The following SFXN5 variants were observed in gnomAD, a reference collection of about 807,000 sequenced individuals.
The protein encoded by SFXN5 is sideroflexin-5.
In SFXN5, 43 loss-of-function variants were observed where a neutral mutation model predicts 50.2. That is an observed-to-expected ratio of 0.86 (90% CI 0.67 to 1.11). The LOEUF (loss-of-function observed/expected upper bound fraction) is 1.11. SFXN5 is among the 50% of genes least tolerant of loss of function. The probability of loss-of-function intolerance (pLI) is 0.00; values close to 1 mark genes in which losing one functional copy is unlikely to be tolerated. For missense variants in SFXN5, 463 were observed against 454.1 expected (o/e 1.02, Z -0.18); for synonymous variants, 203 against 185.8 (o/e 1.09, Z -0.75).
At chr2:73,062,615 A>C (rs1682894147) in intron 1 of SFXN5, among the ~76,000 whole-genome samples, 8 of 152,158 alleles carry the variant, frequency 5.3e-5, no homozygotes, top group Admixed American at 5.2e-4. Flanking sequence ...CTCCACAGAC[A>C]CCTACAAACT....
intron 13 of SFXN5, among the ~76,000 whole-genome samples, chr2:72,947,128 G>C (rs1053071293): frequency 6.6e-6 from 1 of 152,152 alleles, no homozygotes; most frequent in Non-Finnish European, 1.5e-5. Context: ...ATAGCTCCCT[G>C]AACTTCTCAT....
intron 3 of SFXN5, among the ~76,000 whole-genome samples, chr2:73,038,316 A>C (rs1431251709): frequency 6.6e-6 from 1 of 152,224 alleles, no homozygotes; most frequent in Non-Finnish European, 1.5e-5. Context: ...ATAAAAGATA[A>C]ACAATGGTCA....
At chr2:73,057,297 C>G (rs1682272982) in intron 2 of SFXN5, among the ~76,000 whole-genome samples, 1 of 152,116 alleles carries the variant, frequency 6.6e-6, no homozygotes, top group Non-Finnish European at 1.5e-5. Context: ...CACCACCACA[C>G]TCGGATAATT....
intron 3 of SFXN5, among the ~76,000 whole-genome samples, chr2:73,027,749 T>G (rs1043277412): frequency 6.6e-6 from 1 of 152,048 alleles, no homozygotes; most frequent in Non-Finnish European, 1.5e-5. Context: ...AGCCTCCACC[T>G]CTCCGGCTCA....
At chr2:72,958,724 C>T (rs1378949758) in intron 13 of SFXN5, among the ~76,000 whole-genome samples, 1 of 151,862 alleles carries the variant, frequency 6.6e-6, no homozygotes, top group Non-Finnish European at 1.5e-5. Context: ...TTCAGGGCTA[C>T]TAGGCAACCC....
intron 10 of SFXN5, among the ~76,000 whole-genome samples, chr2:72,986,023 G>C (rs533416981): frequency 6.6e-6 from 1 of 152,358 alleles, no homozygotes; most frequent in South Asian, 2.1e-4. Context: ...GCCCAGTGCA[G>C]CAGAGCGCTG....
At chr2:73,013,444 T>TGTGTG (rs1553518120) in intron 6 of SFXN5, among the ~76,000 whole-genome samples, 1 of 148,468 alleles carries the variant, frequency 6.7e-6, no homozygotes, top group Non-Finnish European at 1.5e-5. Context: ...TGTGTGTGTG[T>TGTGTG]TTGAGAGATA....
At position 73,056,680 on chromosome 2, in the gene SFXN5, C is replaced by T. The variant is rs190920009; in HGVS notation, c.171+1848G>A. Reference sequence around the variant, plus strand: ...TATCTGGGCAACAAGAGCAAAACTCCGTCTCAAAAAAAAAAAAAAACACAA... The same window carrying T: ...TATCTGGGCAACAAGAGCAAAACTCTGTCTCAAAAAAAAAAAAAAACACAA... On this transcript the variant is annotated intron_variant, in intron 2 of 13. Coordinates refer to ENST00000272433, the MANE Select transcript of SFXN5 (RefSeq NM_144579.3). 4.8e-3 allele frequency among the ~76,000 whole-genome samples: 713 copies of T among 147,478 alleles called. 2 individuals are homozygous for T. Among genetic ancestry groups the T allele is most frequent in the Non-Finnish European group, 6.9e-3 (461 of 67,116 alleles).
At chr2:72,998,709 G>C (rs564503413) in intron 9 of SFXN5, 3 of 543,342 alleles carry the variant, frequency 5.5e-6, no homozygotes, top group Non-Finnish European at 9.9e-6. Flanking sequence ...TCCTGCCTCA[G>C]TGCCCCCAGG....
At chr2:72,967,081 C>G (rs980865123) in intron 12 of SFXN5, among the ~76,000 whole-genome samples, 1 of 152,216 alleles carries the variant, frequency 6.6e-6, no homozygotes, top group Non-Finnish European at 1.5e-5. Context: ...TCTGCTATTT[C>G]CTAGTACATG....
intron 9 of SFXN5, among the ~76,000 whole-genome samples, chr2:72,994,522 GGGGACAGCTAA>G (rs1307524513): frequency 6.6e-6 from 1 of 152,132 alleles, no homozygotes; most frequent in Non-Finnish European, 1.5e-5. Flanking sequence ...TAAGAGGTCT[GGGGACAGCTAA>G]GGGTGTGAGG....
rs752467473 is a variant in SFXN5, at chr2:72,945,038, T to C, written c.1007A>G (p.Tyr336Cys). Residue 336 changes from tyrosine to cysteine, a missense_variant, in exon 14 of 14, where the codon TAC becomes TGC. Transcript: ENST00000272433. The surrounding 1 kb of genome is among the most constrained non-coding windows in gnomAD (Gnocchi z 5.8). Reference sequence around the variant, plus strand: ...TGACCACACTCACAACCCCTTGTTGTACACCACTGTCCGGCTGCTCGTGGC... The same window carrying C: ...TGACCACACTCACAACCCCTTGTTGCACACCACTGTCCGGCTGCTCGTGGC... ...AQATSSRTVVYNKGL is the reference protein window; with the variant it reads ...AQATSSRTVVCNKGL 2 of 1,613,936 alleles carry C rather than the reference T, an allele frequency of 1.2e-6. No homozygotes were observed. Among genetic ancestry groups the C allele is most frequent in the East Asian group, 2.2e-5 (1 of 44,872 alleles).
chr2:73,002,324 C>A (rs1674015821), intron 6 of SFXN5, among the ~76,000 whole-genome samples: 1 of 152,152 alleles, frequency 6.6e-6, no homozygotes, highest in African/African-American at 2.4e-5. Context: ...CCAAATATCA[C>A]CTAAGACCTA....
chr2:73,026,124 TGC>T (rs1400873810), intron 3 of SFXN5, among the ~76,000 whole-genome samples: 12 of 138,452 alleles, frequency 8.7e-5, no homozygotes, highest in African/African-American at 3.7e-4. Flanking sequence ...GCTGTGTGGC[TGC>T]TTTTTTTTTT....
chr2:72,963,529 CA>C (rs1241439425), intron 12 of SFXN5, among the ~76,000 whole-genome samples: 3 of 144,674 alleles, frequency 2.1e-5, no homozygotes, highest in Non-Finnish European at 4.5e-5. Flanking sequence ...CACAGTAGGA[CA>C]GGGGGAAGGG....
chr2:73,050,388 G>GCGCGCGCACACACACACACACACACACA, intron 2 of SFXN5, among the ~76,000 whole-genome samples: 186 of 143,902 alleles, frequency 1.3e-3, no homozygotes, highest in East Asian at 6.1e-3. Flanking sequence ...CAGCCACAGC[G>GCGCGCGCACACACACACACACACACACA]CACGCACACA....
At chr2:73,039,273 T>C (rs1374120449) in intron 3 of SFXN5, among the ~76,000 whole-genome samples, 2 of 152,210 alleles carry the variant, frequency 1.3e-5, no homozygotes, top group Non-Finnish European at 2.9e-5. Flanking sequence ...TGATCCCTTA[T>C]TGACCAAAAT....
rs540800782 is a variant in SFXN5, at chr2:72,947,822, C to T, written c.946-2723G>A. 8.8e-4 allele frequency among the ~76,000 whole-genome samples: 132 copies of T among 150,580 alleles called. 1 individual carries two copies. Among genetic ancestry groups the T allele is most frequent in the Admixed American group, 5.1e-3 (77 of 15,058 alleles). The stretch of plus-strand genomic sequence containing the variant: ...CTTCTCAAACCACCTTCTCCCACCC[C>T]ACCCCTGCCACCCCCAGTCCCCTCC... On this transcript the variant is annotated intron_variant, in intron 13 of 13. Coordinates refer to ENST00000272433, the MANE Select transcript of SFXN5 (RefSeq NM_144579.3).
chr2:72,956,804 C>T (rs769713375), intron 13 of SFXN5, among the ~76,000 whole-genome samples: 67 of 152,154 alleles, frequency 4.4e-4, no homozygotes, highest in Non-Finnish European at 7.9e-4. Context: ...TCATTGCCCT[C>T]TCTCCAAGCC....
Sources: gnomAD v4.1 joint callset for allele counts (sites outside exome capture counted in the v4.1 genomes callset) on GRCh38, gnomAD v4.1.1 for gene constraint, Gnocchi (gnomAD v3.1) non-coding constraint, MANE v1.5 for transcripts, NCBI Gene and HGNC (gene_info 2026-07-23, HGNC 2026-07-21) for gene names.